The following ALDH2 variants were observed in gnomAD, a reference collection of about 807,000 sequenced individuals.
ALDH2 encodes the protein aldehyde dehydrogenase, mitochondrial.
A neutral mutation model predicts 59.6 loss-of-function variants in ALDH2; 44 were observed. The ratio of observed to expected loss-of-function variants is 0.74; its 90% confidence interval spans 0.58 to 0.95. The LOEUF is 0.95. ALDH2 is among the 40% of genes least tolerant of loss of function. The pLI is 0.00. For missense variants in ALDH2, 570 were observed against 696.3 expected, an observed-to-expected ratio of 0.82 and a Z score of 2.04; for synonymous variants, 291 against 284.0, an observed-to-expected ratio of 1.02 and a Z score of -0.25.
At chr12:111,796,286 C>A (rs998201471) in intron 9 of ALDH2, among the ~76,000 whole-genome samples, 1 of 151,902 alleles carries the variant, frequency 6.6e-6, no homozygotes, top group East Asian at 1.9e-4. Context: ...CGTGCCACCG[C>A]ACTCCAGCCT....
Position 111,785,344 on chromosome 12 carries a change from C to G in ALDH2, c.438C>G (p.Leu146=). 6.2e-7 allele frequency: 1 copy of G among 1,612,816 alleles called. No homozygotes were observed. Among genetic ancestry groups the G allele is most frequent in the African/African-American group, 1.3e-5 (1 of 74,988 alleles). ...ATTTGGACATGGTCCTCAAATGTCT[C>G]CGGTATGGGCTCAGCTTTCCTGTTC... is the stretch of plus-strand genomic sequence containing the variant. ...LVDLDMVLKC[L]RYYAGWADKY... is the part of the protein sequence containing the mutation. The change falls in exon 4 of 13, where the codon CTC becomes CTG. Residue 146 remains leucine, a splice_region_variant and synonymous_variant. Coordinates refer to ENST00000261733, the MANE Select transcript of ALDH2 (RefSeq NM_000690.4).
intron 9 of ALDH2, among the ~76,000 whole-genome samples, chr12:111,797,080 A>G (rs1462228040): frequency 6.6e-6 from 1 of 150,858 alleles, no homozygotes; most frequent in African/African-American, 2.4e-5. Flanking sequence ...CTGCCTCAGC[A>G]TGTGCCACCA....
chr12:111,782,814 G>A (rs1028734051), intron 2 of ALDH2, among the ~76,000 whole-genome samples: 2 of 151,952 alleles, frequency 1.3e-5, no homozygotes, highest in Non-Finnish European at 2.9e-5. Context: ...AACCCGGGAG[G>A]CGGAGGTTGC....
chr12:111,807,366 A>C (rs11066028), intron 12 of ALDH2, among the ~76,000 whole-genome samples: 68,725 of 151,838 alleles, frequency 0.45, 19,853 homozygotes, highest in East Asian at 0.9. Flanking sequence ...AGTCTTGTTT[A>C]CTGTATACCC....
intron 9 of ALDH2, among the ~76,000 whole-genome samples, chr12:111,793,184 A>T (rs2068376512): frequency 6.6e-6 from 1 of 151,972 alleles, no homozygotes; most frequent in Admixed American, 6.6e-5. Flanking sequence ...ATTTCACTTC[A>T]TGTTTTGAGC....
At chr12:111,807,875 AT>A (rs35239056) in intron 12 of ALDH2, among the ~76,000 whole-genome samples, 10,220 of 139,138 alleles carry the variant, frequency 0.073, 1,301 homozygotes, top group East Asian at 0.6. Context: ...AGGTGGCTCA[AT>A]TTTTTTTTTT....
At chr12:111,788,335 C>T (rs763832400) in intron 4 of ALDH2, among the ~76,000 whole-genome samples, 5 of 152,300 alleles carry the variant, frequency 3.3e-5, no homozygotes, top group Admixed American at 1.3e-4. Flanking sequence ...GCCTCGACTG[C>T]GAGGGGAAGG....
In ALDH2 at chr12:111,813,738, C is replaced by A. The variant is rs1296569372; in HGVS notation, c.*4163C>A. The A allele has an allele frequency of 1.3e-5, 2 of 152,140 alleles. No individual in the cohort carries two copies. The highest frequency in any genetic ancestry group is 2.9e-5 in the Non-Finnish European group (2 of 68,036). The allele number at this position is 152,140 out of a possible 1,614,324, so 9.4% of individuals were successfully genotyped here. A position where few individuals can be genotyped will look rare whatever the true frequency, so the allele number is the denominator to read the frequency against. Reference sequence around the variant, plus strand: ...AAAGGAGAAGGACTGTATGATTTCACTTATAGGAAATATCCAGAACAGGCA... The same window carrying A: ...AAAGGAGAAGGACTGTATGATTTCAATTATAGGAAATATCCAGAACAGGCA... On this transcript the variant is annotated 3_prime_UTR_variant, in exon 13 of 13. Transcript: ENST00000261733.
At chr12:111,801,647 G>A (rs992543373) in intron 11 of ALDH2, among the ~76,000 whole-genome samples, 1 of 151,054 alleles carries the variant, frequency 6.6e-6, no homozygotes, top group Non-Finnish European at 1.5e-5. Flanking sequence ...TGCAGTGAGT[G>A]GAGATCATGC....
chr12:111,780,447 A>G (rs1406031915), intron 1 of ALDH2, among the ~76,000 whole-genome samples: 1 of 152,014 alleles, frequency 6.6e-6, no homozygotes, highest in African/African-American at 2.4e-5. Context: ...CTTTTTCTCA[A>G]ATCTACCAGA....
chr12:111,800,488 G>A (rs2068443153), intron 11 of ALDH2, among the ~76,000 whole-genome samples: 2 of 152,046 alleles, frequency 1.3e-5, no homozygotes, highest in African/African-American at 2.4e-5. Context: ...TGTGGGGTGC[G>A]ATTATAGCTC....
intron 1 of ALDH2, chr12:111,775,641 C>A (rs1171457188): frequency 4.4e-6 from 2 of 455,870 alleles, no homozygotes; most frequent in Admixed American, 2.4e-5. Context: ...CATCACTGTG[C>A]TTCTGGAAAC....
intron 5 of ALDH2, 149 bp from the exon 6 acceptor site, chr12:111,790,284 CT>C: frequency 1.9e-6 from 2 of 1,033,274 alleles, no homozygotes; most frequent in Non-Finnish European, 2.9e-6. Context: ...ATCCATTCAT[CT>C]TAAAACCACG....
intron 1 of ALDH2, chr12:111,775,752 G>T (rs1327571703): frequency 2.2e-6 from 1 of 447,710 alleles, no homozygotes; most frequent in Non-Finnish European, 4.5e-6. Flanking sequence ...TGGTCAGGAG[G>T]TTATAAAGCA....
intron 1 of ALDH2, among the ~76,000 whole-genome samples, chr12:111,772,425 C>T (rs1227501881): frequency 2.0e-5 from 3 of 152,176 alleles, no homozygotes; most frequent in Admixed American, 6.6e-5. Flanking sequence ...AGTGCAGTGG[C>T]ACGATCACGG....
chr12:111,766,960 T>A lies in ALDH2; in HGVS notation c.-23T>A. On this transcript the variant is annotated 5_prime_UTR_variant, in exon 1 of 13. Coordinates refer to ENST00000261733, the MANE Select transcript of ALDH2 (RefSeq NM_000690.4). ...GACCCTAGCTCTGCTCTCGGTCCGC[T>A]CGCTGTCCGCTAGCCCGCTGCGATG... 1 of 1,516,136 alleles carries A rather than the reference T, an allele frequency of 6.6e-7. No homozygotes were observed. Among genetic ancestry groups the A allele is most frequent in the East Asian group, 2.6e-5 (1 of 38,484 alleles). The allele number at this position is 1,516,136 out of a possible 1,614,324, so 93.9% of individuals were successfully genotyped here.
Position 111,799,897 on chromosome 12 carries a change from T to A in ALDH2, c.1249-9T>A. The A allele has an allele frequency of 2.5e-6, 4 of 1,612,290 alleles. No individual in the cohort carries two copies. Among genetic ancestry groups the A allele is most frequent in the Non-Finnish European group, 3.4e-6 (4 of 1,179,014 alleles). On this transcript the variant is annotated splice_polypyrimidine_tract_variant and intron_variant, in intron 10 of 12. Transcript: ENST00000261733. ...TGCCGAACCCTCCTACGCTGCTCTC[T>A]CACTCCAGATCTTCGGGCCAGTGAT...
In ALDH2 at chr12:111,804,539, G is replaced by A. The variant is rs371332731; in HGVS notation, c.1521+566G>A. Among the ~76,000 whole-genome samples the A allele has an allele frequency of 3.9e-5, 6 of 152,322 alleles. 1 individual carries two copies. The South Asian group carries it at 1.2e-3, about 32-fold the overall frequency. Reference sequence around the variant, plus strand: ...GGTGGGTGGATCACGAATGAGGTCAGGAGTTTGAGACCAGCCTGACCAACA... The same window carrying A: ...GGTGGGTGGATCACGAATGAGGTCAAGAGTTTGAGACCAGCCTGACCAACA... On this transcript the variant is annotated intron_variant, in intron 12 of 12. Transcript: ENST00000261733.
At chr12:111,804,871 A>G (rs1181862889) in intron 12 of ALDH2, among the ~76,000 whole-genome samples, 3 of 152,234 alleles carry the variant, frequency 2.0e-5, no homozygotes, top group African/African-American at 7.2e-5. Context: ...TGAGATATCA[A>G]GGCCCATAAC....
Sources: allele counts gnomAD v4.1 joint callset (sites outside exome capture counted in the v4.1 genomes callset), GRCh38; gene constraint gnomAD v4.1.1; transcripts MANE v1.5; gene names NCBI Gene and HGNC (gene_info 2026-07-23, HGNC 2026-07-21).